Variants in KCP observed in about 807,000 individuals in gnomAD.
The protein encoded by KCP is kielin/chordin-like protein.
KCP carries 194 observed loss-of-function variants against 212.7 expected under a neutral mutation model. The observed-to-expected ratio is 0.91, with a 90% confidence interval of 0.81 to 1.03. The LOEUF is 1.03. Ranked by LOEUF, KCP falls within the 50% of genes least tolerant of loss-of-function variation. The pLI is 0.00. For missense variants in KCP, 2,080 were observed against 2,162.5 expected (o/e 0.96, Z 0.76); for synonymous variants, 833 against 865.3 (o/e 0.96, Z 0.65).
intron 28 of KCP, 21 bp from the exon 29 acceptor site, chr7:128,884,143 C>CCTTT: frequency 6.5e-7 from 1 of 1,537,078 alleles, no homozygotes. Context: ...GAGTGAGCAG[C>CCTTT]GGTGGGTCCT....
chr7:128,884,857 TCA>T lies in KCP; in HGVS notation c.3045_3046del (p.Cys1015Ter), dbSNP rs1181456481. The T allele has an allele frequency of 1.2e-5, 18 of 1,550,614 alleles. No homozygotes were observed. The Admixed American group carries it at 3.1e-4, about 27-fold the overall frequency. On this transcript the variant is annotated stop_gained and frameshift_variant, in exon 28 of 40. Coordinates refer to ENST00000610776, the MANE Select transcript of KCP (RefSeq NM_001366122.1). LOFTEE classifies it high-confidence loss of function. Reference sequence around the variant, plus strand: ...AGGCTCGTACTTCCGGCCCTCATGCTCACAGTCTTTGGGGTGGAGTGAGAGCA... The same window carrying T: ...AGGCTCGTACTTCCGGCCCTCATGCTCAGTCTTTGGGGTGGAGTGAGAGCA...
chr7:128,890,510 C>G lies in KCP; in HGVS notation c.2168G>C (p.Cys723Ser), dbSNP rs370022012. ...GGCAAACTCCTTCCCCTGGTACAGGCAGCCTGGGGAGAAGGGCAGGGGCTG... is the reference window on the plus strand; with the variant it reads ...GGCAAACTCCTTCCCCTGGTACAGGGAGCCTGGGGAGAAGGGCAGGGGCTG... ...QGPCCPSCDG[C>S]LYQGKEFASG... The change falls in exon 21 of 40, where the codon TGC becomes TCC. Residue 723 changes from cysteine to serine, a missense_variant. By Grantham distance (112) the Cys-to-Ser change is moderately radical. Transcript: ENST00000610776. The G allele has an allele frequency of 1.7e-5, 26 of 1,547,136 alleles. No individual in the cohort carries two copies. In the Admixed American group the frequency reaches 2.6e-4, roughly 15 times the overall value.
chr7:128,904,296 T>TGGGGCAGCACTCCCCAGGTGG, intron 5 of KCP, 158 bp from the exon 6 acceptor site: 1 of 1,552,742 alleles, frequency 6.4e-7, no homozygotes, highest in Non-Finnish European at 8.7e-7. Flanking sequence ...GGCCGGCAGA[T>TGGGGCAGCACTCCCCAGGTGG]GGGGCAGCAC....
chr7:128,884,885 G>T, intron 27 of KCP, 22 bp from the exon 28 acceptor site: 1 of 1,548,740 alleles, frequency 6.5e-7, no homozygotes, highest in Non-Finnish European at 8.7e-7. Context: ...AGTGAGAGCA[G>T]AACGGGACCA....
At chr7:128,884,664 T>A (rs1793534500) in intron 28 of KCP, 117 bp downstream of exon 28, 1 of 928,944 alleles carries the variant, frequency 1.1e-6, no homozygotes, top group South Asian at 1.5e-5. Context: ...AGGGATACAC[T>A]CCTTTGGCCC....
In KCP at chr7:128,876,979, G is replaced by A; in HGVS notation, c.*64C>T. The A allele has an allele frequency of 2.0e-6, 3 of 1,514,120 alleles. No individual in the cohort carries two copies. Among genetic ancestry groups the A allele is most frequent in the Non-Finnish European group, 2.6e-6 (3 of 1,133,718 alleles). 93.8% of individuals were successfully genotyped at this position (1,514,120 alleles called of 1,614,324 possible). The stretch of plus-strand genomic sequence containing the variant: ...CATTCTCTCCATAGCCCTAACCAGG[G>A]TGGGAACTGCTCGCCAAGGGGAGAC... On this transcript the variant is annotated 3_prime_UTR_variant, in exon 40 of 40. Transcript: ENST00000610776.
chr7:128,882,133 T>A (rs966345743), intron 29 of KCP, 117 bp from the exon 30 acceptor site: 10 of 684,112 alleles, frequency 1.5e-5, no homozygotes, highest in Non-Finnish European at 2.3e-5. Context: ...AGCATACCCA[T>A]ATCCCAGCAC....
chr7:128,877,126 C>T lies in KCP; in HGVS notation c.4804G>A (p.Ala1602Thr), dbSNP rs781618108. The change falls in exon 40 of 40, where the codon GCC (alanine) becomes ACC (threonine). Residue 1602 changes from alanine (A) to threonine (T), a missense_variant. Physicochemically the swap from Ala to Thr is moderately conservative, Grantham distance 58. Transcript: ENST00000610776. The stretch of plus-strand genomic sequence containing the variant: ...CCAGTGAGCAGGACTTGGGGGCAGG[C>T]CTCGGGTGGGATGCAGTGGGCCTCA... ...EHEAHCIPPEACPQVLLTGDQ... is the reference protein window; with the variant it reads ...EHEAHCIPPETCPQVLLTGDQ... 3.4e-5 allele frequency: 52 copies of T among 1,509,552 alleles called. No individual in the cohort carries two copies. In the South Asian group the frequency reaches 6.5e-4, roughly 19 times the overall value. The allele number at this position is 1,509,552 out of a possible 1,614,324, so 93.5% of individuals were successfully genotyped here.
chr7:128,877,766 G>A lies in KCP; in HGVS notation c.4336C>T (p.Arg1446Trp), dbSNP rs760557906. 1.0e-5 allele frequency: 16 copies of A among 1,549,596 alleles called. No individual in the cohort carries two copies. The highest frequency in any genetic ancestry group is 1.7e-4 in the Middle Eastern group (1 of 5,914). The change falls in exon 39 of 40, where the codon CGG becomes TGG. Residue 1446 changes from arginine (R) to tryptophan (W), a missense_variant. Transcript: ENST00000610776. Reference sequence around the variant, plus strand: ...ACCTCTCGGCCTGCAGAACAGGGCCGGCCAGGCCACAGCCCCTCTGAGACC... The same window carrying A: ...ACCTCTCGGCCTGCAGAACAGGGCCAGCCAGGCCACAGCCCCTCTGAGACC... ...WQVSEGLWPG[R>W]PCSAGREVDP...
In KCP at chr7:128,881,374, T is replaced by C. The variant is rs192150656; in HGVS notation, c.3424+252A>G. 3.9e-5 allele frequency among the ~76,000 whole-genome samples: 6 copies of C among 152,310 alleles called. No individual in the cohort carries two copies. The East Asian group carries it at 1.2e-3, about 29-fold the overall frequency. Reference sequence around the variant, plus strand: ...AATGCCCTCTTCATGGGCCTGGGGATCCTGAGCCCCCTGACAGGCATCAGG... The same window carrying C: ...AATGCCCTCTTCATGGGCCTGGGGACCCTGAGCCCCCTGACAGGCATCAGG... On this transcript the variant is annotated intron_variant, in intron 31 of 39. Coordinates refer to ENST00000610776, the MANE Select transcript of KCP (RefSeq NM_001366122.1).
chr7:128,878,560 G>A lies in KCP; in HGVS notation c.4309C>T (p.Gln1437Ter), dbSNP rs1170583734. Residue 1437 changes from glutamine to a stop codon, truncating the protein, a stop_gained and splice_region_variant, in exon 38 of 40, where the codon CAG (glutamine) becomes TAG (stop). Coordinates refer to ENST00000610776, the MANE Select transcript of KCP (RefSeq NM_001366122.1). LOFTEE classifies it high-confidence loss of function. ...PSEAAFGNSW[Q>*]VSEGLWPGRP... ...TCCCCGGTTCCTGTACCACTCACCT[G>A]CCAGCTATTCCCAAACGCAGCCTCC... The A allele has an allele frequency of 6.4e-7, 1 of 1,550,830 alleles. No individual in the cohort carries two copies. The highest frequency in any genetic ancestry group is 2.4e-5 in the East Asian group (1 of 40,902).
Position 128,903,889 on chromosome 7 carries a change from G to T in KCP, c.655-69C>A, listed in dbSNP as rs1794987226. The T allele has an allele frequency of 3.0e-6, 4 of 1,327,520 alleles. No individual in the cohort carries two copies. In the South Asian group the frequency reaches 5.0e-5, roughly 17 times the overall value. The allele number at this position is 1,327,520 out of a possible 1,614,324, so 82.2% of individuals were successfully genotyped here. On this transcript the variant is annotated intron_variant, in intron 6 of 39. Transcript: ENST00000610776. Reference sequence around the variant, plus strand: ...CAGAGGGCTGGGTGGGCGGGTGTTGGGCACCCTCGGAGGAGGGGGGCACAG... The same window carrying T: ...CAGAGGGCTGGGTGGGCGGGTGTTGTGCACCCTCGGAGGAGGGGGGCACAG...
At chr7:128,904,263 C>G in intron 5 of KCP, 125 bp from the exon 6 acceptor site, 1 of 1,548,484 alleles carries the variant, frequency 6.5e-7, no homozygotes, top group African/African-American at 1.4e-5. Flanking sequence ...CGGGGCAGGG[C>G]AGGACAGGGC....
At position 128,877,577 on chromosome 7, in the gene KCP, C is replaced by G. The variant is rs766671561; in HGVS notation, c.4525G>C (p.Ala1509Pro). ...DLCACGPGSS[A>P]DACLCDALEA... ...AGGGCATCACAGAGGCAGGCATCAGCGGAGGAGCCAGGGCCACAGGCACAC... is the reference window on the plus strand; with the variant it reads ...AGGGCATCACAGAGGCAGGCATCAGGGGAGGAGCCAGGGCCACAGGCACAC... The change falls in exon 39 of 40, where the codon GCT becomes CCT. Residue 1509 changes from alanine to proline, a missense_variant. Ala to Pro is a conservative substitution (Grantham distance 27, BLOSUM62 -1). Coordinates refer to ENST00000610776, the MANE Select transcript of KCP (RefSeq NM_001366122.1). 6.4e-7 allele frequency: 1 copy of G among 1,551,584 alleles called. No individual in the cohort carries two copies. Among genetic ancestry groups the G allele is most frequent in the Non-Finnish European group, 8.7e-7 (1 of 1,146,990 alleles).
At chr7:128,879,853 G>A (rs540455740) in intron 35 of KCP, 24 bp from the exon 36 acceptor site, 1 of 1,551,052 alleles carries the variant, frequency 6.4e-7, no homozygotes, top group African/African-American at 1.4e-5. Context: ...AGTCCCAGGT[G>A]CCAATGGTCA....
At chr7:128,881,120 C>T (rs758204336) in intron 31 of KCP, 35 bp from the exon 32 acceptor site, 2 of 398,858 alleles carry the variant, frequency 5.0e-6, no homozygotes, top group African/African-American at 4.1e-5. Flanking sequence ...CAGGCACTGT[C>T]CCTCCTGCTG....
At chr7:128,890,641 TG>T (rs1241753501) in intron 20 of KCP, 128 bp from the exon 21 acceptor site, 2 of 57,530 alleles carry the variant, frequency 3.5e-5, no homozygotes, top group East Asian at 3.6e-4. Context: ...TCGTGGGGGC[TG>T]GGGGTCCGTG....
At chr7:128,888,822 G>T in intron 22 of KCP, 41 bp downstream of exon 22, 1 of 1,530,278 alleles carries the variant, frequency 6.5e-7, no homozygotes, top group Non-Finnish European at 8.8e-7. Context: ...GGCACCCCGG[G>T]AGCCCCAGCA....
chr7:128,907,127 C>G lies in KCP; in HGVS notation c.460G>C (p.Asp154His). 6.4e-7 allele frequency: 1 copy of G among 1,551,500 alleles called. No individual in the cohort carries two copies. The highest frequency in any genetic ancestry group is 8.7e-7 in the Non-Finnish European group (1 of 1,146,916). The change falls in exon 4 of 40, where the codon GAT (aspartate) becomes CAT (histidine). Residue 154 changes from aspartate to histidine, a missense_variant. Asp to His is a moderately conservative substitution (Grantham distance 81). Transcript: ENST00000610776. ...TYGNGETFSP[D>H]ACTTCRCLEG... ...AGACAGCGGCAGGTGGTGCAGGCAT[C>G]TGGGGAGAAGGTCTCCCCGTTGCCG...
Sources: allele counts gnomAD v4.1 joint callset (sites outside exome capture counted in the v4.1 genomes callset), GRCh38; gene constraint gnomAD v4.1.1; transcripts MANE v1.5; gene names NCBI Gene and HGNC (gene_info 2026-07-23, HGNC 2026-07-21).